LRRC69: variants seen among roughly 807,000 people sequenced by gnomAD.
LRRC69 encodes the protein leucine-rich repeat-containing protein 69.
In LRRC69, 42 loss-of-function variants were observed where a neutral mutation model predicts 37.8. That is an observed-to-expected ratio of 1.11 (90% CI 0.87 to 1.44). The LOEUF is 1.44. Among genes scored for constraint, LRRC69 ranks in the 40% most tolerant of loss-of-function variants. The pLI is 0.00. For synonymous variants in LRRC69, 141 were observed against 143.1 expected, an observed-to-expected ratio of 0.99 and a Z score of 0.11; for missense variants, 357 against 401.9, an observed-to-expected ratio of 0.89 and a Z score of 0.96.
intron 5 of LRRC69, chr8:91,157,642 C>T (rs756484729): frequency 6.3e-7 from 1 of 1,576,686 alleles, no homozygotes; most frequent in East Asian, 2.2e-5. Flanking sequence ...TAATAAAATG[C>T]ACTGGACTTT....
intron 5 of LRRC69, among the ~76,000 whole-genome samples, chr8:91,155,137 G>A (rs1357500363): frequency 6.6e-6 from 1 of 151,356 alleles, no homozygotes; most frequent in Non-Finnish European, 1.5e-5. Context: ...GCTACAAAGA[G>A]ATTAAAATAT....
chr8:91,132,292 C>T (rs1317396556), intron 3 of LRRC69, among the ~76,000 whole-genome samples: 2 of 151,878 alleles, frequency 1.3e-5, no homozygotes, highest in African/African-American at 2.4e-5. Context: ...TTATTTTCCT[C>T]ACTTTTAAAA....
intron 5 of LRRC69, among the ~76,000 whole-genome samples, chr8:91,183,528 T>C (rs767071417): frequency 6.6e-6 from 1 of 152,020 alleles, no homozygotes; most frequent in Non-Finnish European, 1.5e-5. Flanking sequence ...GAGTTTGACA[T>C]GTGAATATTT....
intron 1 of LRRC69, among the ~76,000 whole-genome samples, chr8:91,105,969 G>C (rs967795938): frequency 6.6e-6 from 1 of 152,004 alleles, no homozygotes; most frequent in Non-Finnish European, 1.5e-5. Flanking sequence ...AAACAAATAA[G>C]CAAAATAGGG....
At chr8:91,214,737 CATG>C (rs1810007240) in intron 7 of LRRC69, among the ~76,000 whole-genome samples, 1 of 152,028 alleles carries the variant, frequency 6.6e-6, no homozygotes, top group Non-Finnish European at 1.5e-5. Context: ...TAATTTGGAA[CATG>C]ATAACAGTAT....
chr8:91,184,188 A>G (rs905424995), intron 5 of LRRC69, among the ~76,000 whole-genome samples: 1 of 152,084 alleles, frequency 6.6e-6, no homozygotes, highest in Non-Finnish European at 1.5e-5. Context: ...CTGAGGTGGG[A>G]GGATAGCTTG....
chr8:91,142,743 G>A (rs865894043), intron 5 of LRRC69, among the ~76,000 whole-genome samples: 1 of 151,956 alleles, frequency 6.6e-6, no homozygotes, highest in Non-Finnish European at 1.5e-5. Flanking sequence ...AGTGGCAGAG[G>A]TTGAACTTGC....
At chr8:91,189,446 A>G (rs1298527450) in intron 5 of LRRC69, 76 bp from the exon 6 acceptor site, 3 of 968,408 alleles carry the variant, frequency 3.1e-6, no homozygotes, top group Non-Finnish European at 3.1e-6. Flanking sequence ...TTTCAGTTTA[A>G]TTTTATTAAA....
At chr8:91,206,456 A>G (rs114554209) in intron 7 of LRRC69, among the ~76,000 whole-genome samples, 4,969 of 152,294 alleles carry the variant, frequency 0.033, 255 homozygotes, top group African/African-American at 0.11. Flanking sequence ...TCTTGATCAC[A>G]TATGTAGCTA....
At chr8:91,113,534 TATCTC>T (rs1427044486) in intron 1 of LRRC69, among the ~76,000 whole-genome samples, 2 of 152,008 alleles carry the variant, frequency 1.3e-5, no homozygotes, top group South Asian at 2.1e-4. Context: ...ATTGGACCCT[TATCTC>T]ATATGGTATA....
At chr8:91,154,849 A>G (rs1407251820) in intron 5 of LRRC69, among the ~76,000 whole-genome samples, 1 of 151,638 alleles carries the variant, frequency 6.6e-6, no homozygotes, top group Admixed American at 6.6e-5. Flanking sequence ...CTCGTATTCA[A>G]TGTAGTATTG....
At chr8:91,155,333 A>G (rs1808814412) in intron 5 of LRRC69, among the ~76,000 whole-genome samples, 1 of 150,986 alleles carries the variant, frequency 6.6e-6, no homozygotes, top group South Asian at 2.1e-4. Context: ...CATCTTTTTA[A>G]AAAATTTTTA....
At chr8:91,185,323 G>GTGTCTGTC (rs1554595214) in intron 5 of LRRC69, among the ~76,000 whole-genome samples, 2 of 151,456 alleles carry the variant, frequency 1.3e-5, no homozygotes, top group African/African-American at 4.9e-5. Context: ...GAAGGTCTCA[G>GTGTCTGTC]TGTCTGTCTG....
chr8:91,148,983 G>A (rs1259391918), intron 5 of LRRC69, among the ~76,000 whole-genome samples: 1 of 151,356 alleles, frequency 6.6e-6, no homozygotes, highest in East Asian at 1.9e-4. Context: ...CTGGATATTA[G>A]CCCTTTGTCA....
chr8:91,198,965 G>T (rs1481206738), intron 6 of LRRC69, among the ~76,000 whole-genome samples: 1 of 152,130 alleles, frequency 6.6e-6, no homozygotes, highest in East Asian at 1.9e-4. Context: ...AATAATAGTT[G>T]ATGTAAGAGC....
At chr8:91,184,606 T>C (rs1056691707) in intron 5 of LRRC69, among the ~76,000 whole-genome samples, 8 of 152,228 alleles carry the variant, frequency 5.3e-5, no homozygotes, top group African/African-American at 1.9e-4. Flanking sequence ...CATGCACATG[T>C]GAGAAGGTCT....
chr8:91,166,640 A>G (rs897437393), intron 5 of LRRC69, among the ~76,000 whole-genome samples: 1 of 151,824 alleles, frequency 6.6e-6, no homozygotes, highest in African/African-American at 2.4e-5. Flanking sequence ...AACAAAATCA[A>G]ACATATAGCT....
At chr8:91,143,401 T>C (rs906060277) in intron 5 of LRRC69, among the ~76,000 whole-genome samples, 3 of 152,226 alleles carry the variant, frequency 2.0e-5, no homozygotes, top group Non-Finnish European at 4.4e-5. Flanking sequence ...AGAAATGTGC[T>C]TAAAAAGATG....
chr8:91,162,518 C>A (rs1250801511), intron 5 of LRRC69, among the ~76,000 whole-genome samples: 1 of 151,106 alleles, frequency 6.6e-6, no homozygotes. Context: ...CTTCTTTGTT[C>A]CTTTTTATAT....
Sources: allele counts gnomAD v4.1 joint callset (sites outside exome capture counted in the v4.1 genomes callset), GRCh38; gene constraint gnomAD v4.1.1; transcripts MANE v1.5; gene names NCBI Gene and HGNC (gene_info 2026-07-23, HGNC 2026-07-21).